The following NRXN1 variants were observed in gnomAD, a reference collection of about 807,000 sequenced individuals.
NRXN1 encodes neurexin-1.
Under a neutral mutation model 150.9 loss-of-function variants are expected in NRXN1, and 39 were observed. The observed-to-expected ratio is 0.26, with a 90% CI of 0.20 to 0.34. NRXN1 has a LOEUF of 0.34. Among genes scored for constraint, NRXN1 ranks in the 10% least tolerant of loss-of-function variants. NRXN1 has a pLI of 1.00. For missense variants in NRXN1, 1,815 were observed against 1,949.9 expected (o/e 0.93, Z 1.30); for synonymous variants, 924 against 757.0 (o/e 1.22, Z -3.62).
intron 18 of NRXN1, among the ~76,000 whole-genome samples, chr2:50,115,050 T>C (rs1362355346): frequency 1.3e-5 from 2 of 151,826 alleles, no homozygotes; most frequent in Non-Finnish European, 2.9e-5. Context: ...TCATCGATTA[T>C]AACAAATTAC....
chr2:50,317,652 GA>G lies in NRXN1; in HGVS notation c.3365-80683del, dbSNP rs35750792. ...TATAAAACAAAGGAAAATAATCACA[GA>G]AAAAAACGTCTAAGATGAAAGAAGA... On this transcript the variant is annotated intron_variant, in intron 17 of 22. Coordinates refer to ENST00000401669, the MANE Select transcript of NRXN1 (RefSeq NM_001330078.2). 6.3e-4 allele frequency among the ~76,000 whole-genome samples: 96 copies of G among 151,812 alleles called. 2 individuals are homozygous for G. The highest frequency in any genetic ancestry group is 2.1e-4 in the Non-Finnish European group (14 of 67,822).
At chr2:50,367,137 T>C (rs916664971) in intron 17 of NRXN1, among the ~76,000 whole-genome samples, 24 of 152,074 alleles carry the variant, frequency 1.6e-4, no homozygotes, top group Admixed American at 4.6e-4. Context: ...CTTTCTTTAA[T>C]ACAGGAGCCC....
At chr2:50,345,840 C>T (rs1357324456) in intron 17 of NRXN1, among the ~76,000 whole-genome samples, 1 of 152,222 alleles carries the variant, frequency 6.6e-6, no homozygotes, top group Non-Finnish European at 1.5e-5. Flanking sequence ...CTGACTTGCC[C>T]TTCCTGGAAA....
intron 17 of NRXN1, among the ~76,000 whole-genome samples, chr2:50,266,405 T>C (rs1574834174): frequency 6.7e-6 from 1 of 148,238 alleles, no homozygotes; most frequent in South Asian, 2.1e-4. Flanking sequence ...TATAAATGTA[T>C]ATATAATGTT....
At chr2:50,037,364 T>C (rs541737468) in intron 21 of NRXN1, among the ~76,000 whole-genome samples, 87 of 152,152 alleles carry the variant, frequency 5.7e-4, no homozygotes, top group Admixed American at 1.4e-3. Context: ...TATTGGAATA[T>C]GGCTAATAAC....
chr2:50,732,642 G>C (rs1698244124), intron 5 of NRXN1, among the ~76,000 whole-genome samples: 1 of 152,078 alleles, frequency 6.6e-6, no homozygotes, highest in African/African-American at 2.4e-5. Context: ...AAACTGACTT[G>C]ACCCCGATTT....
Position 50,456,214 on chromosome 2 carries a change from T to C in NRXN1, c.3364+9228A>G, listed in dbSNP as rs566417883. 9.2e-5 allele frequency among the ~76,000 whole-genome samples: 14 copies of C among 152,282 alleles called. No individual in the cohort carries two copies. In the South Asian group the frequency reaches 2.9e-3, roughly 32 times the overall value. On this transcript the variant is annotated intron_variant, in intron 17 of 22. Coordinates refer to ENST00000401669, the MANE Select transcript of NRXN1 (RefSeq NM_001330078.2). ...TCTTCTATGGTAGCTGAACCTTTTA[T>C]GAAACTTGTTCCATTCTGAAATCAT...
At chr2:50,399,584 T>C (rs1316496151) in intron 17 of NRXN1, among the ~76,000 whole-genome samples, 2 of 151,802 alleles carry the variant, frequency 1.3e-5, no homozygotes, top group Non-Finnish European at 2.9e-5. Context: ...TGGGTGCCCC[T>C]TGCCCAGGGC....
At chr2:50,010,166 A>G (rs1039984203) in intron 21 of NRXN1, among the ~76,000 whole-genome samples, 6 of 152,202 alleles carry the variant, frequency 3.9e-5, no homozygotes, top group African/African-American at 1.4e-4. Context: ...AAAAAGTCAA[A>G]TTTATAAAAG....
At chr2:50,130,871 T>A (rs1297747978) in intron 18 of NRXN1, among the ~76,000 whole-genome samples, 1 of 152,302 alleles carries the variant, frequency 6.6e-6, no homozygotes, top group African/African-American at 2.4e-5. Context: ...AGGCATTTGG[T>A]TGAGGATTCA....
At chr2:50,671,314 G>C (rs930208764) in intron 5 of NRXN1, among the ~76,000 whole-genome samples, 1 of 151,578 alleles carries the variant, frequency 6.6e-6, no homozygotes, top group South Asian at 2.1e-4. Flanking sequence ...AATTATTTTA[G>C]TGTTTAATCT....
intron 5 of NRXN1, among the ~76,000 whole-genome samples, chr2:50,807,404 G>C (rs1036645924): frequency 6.6e-6 from 1 of 152,068 alleles, no homozygotes; most frequent in African/African-American, 2.4e-5. Context: ...CACCCCAAAA[G>C]AGATTATAAC....
chr2:50,671,165 C>A (rs1363111538), intron 5 of NRXN1, among the ~76,000 whole-genome samples: 1 of 151,642 alleles, frequency 6.6e-6, no homozygotes, highest in African/African-American at 2.4e-5. Flanking sequence ...TTATTTTCTT[C>A]TTCTGGTTTC....
chr2:50,511,444 G>GTT (rs2092449197), intron 12 of NRXN1, among the ~76,000 whole-genome samples: 1 of 152,184 alleles, frequency 6.6e-6, no homozygotes, highest in African/African-American at 2.4e-5. Context: ...CTGAGTCTGA[G>GTT]TTTAATAAGT....
chr2:50,235,958 C>T (rs935450643), intron 18 of NRXN1, among the ~76,000 whole-genome samples: 4 of 151,998 alleles, frequency 2.6e-5, no homozygotes, highest in Non-Finnish European at 5.9e-5. Flanking sequence ...ATATTCATAT[C>T]TCTTAATAAA....
intron 21 of NRXN1, among the ~76,000 whole-genome samples, chr2:49,988,619 T>TAA (rs3046623): frequency 6.3e-5 from 8 of 127,994 alleles, no homozygotes; most frequent in Admixed American, 1.6e-4. Context: ...AGTTAACTAT[T>TAA]AAAAAAAAAA....
At chr2:50,403,636 T>A (rs972135892) in intron 17 of NRXN1, among the ~76,000 whole-genome samples, 1 of 152,154 alleles carries the variant, frequency 6.6e-6, no homozygotes, top group African/African-American at 2.4e-5. Context: ...AAAGAGACGA[T>A]AATAAGATGA....
chr2:49,996,544 C>G (rs1055472914), intron 21 of NRXN1, among the ~76,000 whole-genome samples: 1 of 152,100 alleles, frequency 6.6e-6, no homozygotes, highest in Non-Finnish European at 1.5e-5. Flanking sequence ...GAGATATTAT[C>G]CTGGATTGTC....
At chr2:50,450,233 C>A (rs777518737) in intron 17 of NRXN1, among the ~76,000 whole-genome samples, 2 of 152,162 alleles carry the variant, frequency 1.3e-5, no homozygotes, top group Non-Finnish European at 1.5e-5. Context: ...TCACTTCCAA[C>A]GCTCATTTCT....
Sources: gnomAD v4.1 joint callset for allele counts (sites outside exome capture counted in the v4.1 genomes callset) on GRCh38, gnomAD v4.1.1 for gene constraint, MANE v1.5 for transcripts, NCBI Gene and HGNC (gene_info 2026-07-23, HGNC 2026-07-21) for gene names.